COP1: variants seen among roughly 807,000 people sequenced by gnomAD.
COP1 encodes E3 ubiquitin-protein ligase COP1.
A neutral mutation model predicts 101.3 loss-of-function variants in COP1; 24 were observed. That is an observed-to-expected ratio of 0.24 (90% confidence interval 0.17 to 0.33). The LOEUF is 0.33. Among genes scored for constraint, COP1 ranks in the 10% least tolerant of loss-of-function variants. The pLI is 1.00. For missense variants in COP1, 663 were observed against 906.2 expected (o/e 0.73, Z 3.45); for synonymous variants, 347 against 341.9 (o/e 1.01, Z -0.17).
At chr1:175,950,111 C>T (rs1163041799) in intron 18 of COP1, among the ~76,000 whole-genome samples, 1 of 151,896 alleles carries the variant, frequency 6.6e-6, no homozygotes, top group African/African-American at 2.4e-5. Context: ...TTACTGTAAC[C>T]TCAGGATTAC....
intron 15 of COP1, among the ~76,000 whole-genome samples, chr1:176,015,498 T>TAA (rs1194414430): frequency 6.6e-6 from 1 of 152,114 alleles, no homozygotes; most frequent in African/African-American, 2.4e-5. Context: ...GGCAGGGATT[T>TAA]AAAAAGGGAA....
intron 15 of COP1, among the ~76,000 whole-genome samples, chr1:176,006,164 T>C (rs1663144886): frequency 6.6e-6 from 1 of 152,070 alleles, no homozygotes; most frequent in East Asian, 1.9e-4. Flanking sequence ...GAGACTAGGA[T>C]TGCAACCCCT....
chr1:176,014,807 T>G (rs1665331745), intron 15 of COP1, among the ~76,000 whole-genome samples: 1 of 152,196 alleles, frequency 6.6e-6, no homozygotes, highest in Non-Finnish European at 1.5e-5. Context: ...CTAATATATG[T>G]CTGTTAGTAC....
chr1:176,107,427 T>G (rs1299463071), intron 9 of COP1, among the ~76,000 whole-genome samples: 1 of 152,072 alleles, frequency 6.6e-6, no homozygotes, highest in South Asian at 2.1e-4. Context: ...AAAGTACTTA[T>G]AAAGAATGAT....
intron 11 of COP1, among the ~76,000 whole-genome samples, chr1:176,072,513 C>T (rs897532107): frequency 1.3e-5 from 2 of 152,172 alleles, no homozygotes; most frequent in African/African-American, 2.4e-5. Context: ...ATTTCTCAAC[C>T]AACCCCAGAT....
intron 15 of COP1, among the ~76,000 whole-genome samples, chr1:175,990,158 T>C (rs1403577356): frequency 6.6e-6 from 1 of 152,120 alleles, no homozygotes; most frequent in Non-Finnish European, 1.5e-5. Flanking sequence ...CCATTTTCAT[T>C]CAGTTTAAAA....
At chr1:176,162,529 TATG>T (rs1177887637) in intron 5 of COP1, among the ~76,000 whole-genome samples, 1 of 152,128 alleles carries the variant, frequency 6.6e-6, no homozygotes, top group African/African-American at 2.4e-5. Flanking sequence ...AAATCTCACA[TATG>T]AAGAGGGGAC....
intron 15 of COP1, among the ~76,000 whole-genome samples, chr1:176,000,700 A>G (rs908080468): frequency 6.6e-6 from 1 of 151,828 alleles, no homozygotes; most frequent in African/African-American, 2.4e-5. Context: ...CTCAACCTGT[A>G]TATGGTAGAA....
At chr1:175,988,145 T>C (rs1657562228) in intron 17 of COP1, 143 bp downstream of exon 17, 3 of 684,848 alleles carry the variant, frequency 4.4e-6, no homozygotes, top group South Asian at 5.8e-5. Context: ...GGAAAATCAG[T>C]AGTGCTGGGG....
At position 176,051,176 on chromosome 1, in the gene COP1, G is replaced by A. The variant is rs544521157; in HGVS notation, c.1278-4852C>T. On this transcript the variant is annotated intron_variant, in intron 11 of 19. Transcript: ENST00000367669. ...TTGATAGAGGAATTCAGGAGGCAAT[G>A]ATTATTGGGGCTCATTCGAAGAAAA... Among the ~76,000 whole-genome samples, 163 of 152,274 alleles carry A rather than the reference G, an allele frequency of 1.1e-3. 1 individual carries two copies. The highest frequency in any genetic ancestry group is 6.8e-3 in the Middle Eastern group (2 of 294).
At chr1:176,094,025 A>C (rs1232828979) in intron 9 of COP1, among the ~76,000 whole-genome samples, 1 of 62,160 alleles carries the variant, frequency 1.6e-5, no homozygotes, top group Non-Finnish European at 5.1e-5. Flanking sequence ...CTGTCTCAAA[A>C]AAAAAAGGAA....
chr1:176,019,679 A>G (rs188779657), intron 15 of COP1, among the ~76,000 whole-genome samples: 2 of 151,884 alleles, frequency 1.3e-5, no homozygotes, highest in Admixed American at 1.3e-4. Flanking sequence ...TGGGTAACAT[A>G]GTGAAAATAC....
At chr1:176,149,319 A>G (rs1692059260) in intron 5 of COP1, among the ~76,000 whole-genome samples, 1 of 152,094 alleles carries the variant, frequency 6.6e-6, no homozygotes. Flanking sequence ...TAACATGCTG[A>G]AAAATCTTTT....
Position 176,163,890 on chromosome 1 carries a change from C to T in COP1, c.567G>A (p.Val189=). Residue 189 remains valine (V), a splice_region_variant and synonymous_variant, in exon 4 of 20, where the codon GTG becomes GTA. Transcript: ENST00000367669. ...GCTTCTGTTTAAGAATGAGTTCATT[C>T]ACTGAAAACAGAAACAAAATAAAAA... ...NIDHLYPNFL[V]NELILKQKQR... is the part of the protein sequence containing the mutation. 1.3e-6 allele frequency: 2 copies of T among 1,586,284 alleles called. No individual in the cohort carries two copies. Among genetic ancestry groups the T allele is most frequent in the Non-Finnish European group, 1.7e-6 (2 of 1,164,486 alleles).
Position 176,206,792 on chromosome 1 carries a change from C to A in COP1, c.187G>T (p.Gly63Cys), listed in dbSNP as rs1011552758. 2.2e-6 allele frequency: 3 copies of A among 1,391,180 alleles called. No individual in the cohort carries two copies. Among genetic ancestry groups the A allele is most frequent in the Non-Finnish European group, 2.8e-6 (3 of 1,083,732 alleles). 86.2% of individuals were successfully genotyped at this position (1,391,180 alleles called of 1,614,324 possible). The change falls in exon 1 of 20, where the codon GGC becomes TGC. Residue 63 changes from glycine (G) to cysteine (C), a missense_variant. This residue lies in a region of COP1 where 204 missense variants were observed against 203.6 expected (regional missense o/e 1.00). Coordinates refer to ENST00000367669, the MANE Select transcript of COP1 (RefSeq NM_022457.7). ...GCCACCAACACAGGCCGCACCGGGC[C>A]CCCGAGGCCGCCCGAGCCGGCGGCC... ...AQAAGSGGLG[G>C]PVRPVLVAPA...
At position 176,027,577 on chromosome 1, in the gene COP1, C is replaced by G. The variant is rs1251043866; in HGVS notation, c.1724G>C (p.Cys575Ser). 6.2e-7 allele frequency: 1 copy of G among 1,602,294 alleles called. No homozygotes were observed. The highest frequency in any genetic ancestry group is 1.7e-5 in the Admixed American group (1 of 59,994). ...AATCTGCTTTCATTTCTTACCTGCA[C>G]AGCCGAAAGCCAAATGGTATCTGGA... Reference protein sequence around the residue: ...PSSRYHLAFGCADHCVHYYDL... With the variant: ...PSSRYHLAFGSADHCVHYYDL... The change falls in exon 15 of 20, where the codon TGT becomes TCT. Residue 575 changes from cysteine (C) to serine (S), a missense_variant. Cys to Ser is a moderately radical substitution (Grantham distance 112). Coordinates refer to ENST00000367669, the MANE Select transcript of COP1 (RefSeq NM_022457.7).
Position 176,110,497 on chromosome 1 carries a change from A to G in COP1, c.1026+6127T>C, listed in dbSNP as rs1685096652. 2.6e-5 allele frequency among the ~76,000 whole-genome samples: 4 copies of G among 152,172 alleles called. No homozygotes were observed. The South Asian group carries it at 8.3e-4, about 32-fold the overall frequency. ...CGTAGACATATCTCTGCTTCCTCAT[A>G]TCCTGGTCATTCAAAAGTCATCTAT... On this transcript the variant is annotated intron_variant, in intron 9 of 19. Coordinates refer to ENST00000367669, the MANE Select transcript of COP1 (RefSeq NM_022457.7).
At chr1:176,033,534 C>G (rs1668988497) in intron 14 of COP1, among the ~76,000 whole-genome samples, 1 of 151,984 alleles carries the variant, frequency 6.6e-6, no homozygotes, top group Non-Finnish European at 1.5e-5. Context: ...AAGAAAAATA[C>G]CTTTAAAGAA....
chr1:176,172,799 A>C (rs140747937), intron 3 of COP1, among the ~76,000 whole-genome samples: 1 of 152,234 alleles, frequency 6.6e-6, no homozygotes, highest in African/African-American at 2.4e-5. Context: ...ACATATCTCA[A>C]TGACATTACT....
Sources: allele counts gnomAD v4.1 joint callset (sites outside exome capture counted in the v4.1 genomes callset), GRCh38; gene constraint gnomAD v4.1.1; regional missense constraint gnomAD v4.1.1; transcripts MANE v1.5; gene names NCBI Gene and HGNC (gene_info 2026-07-23, HGNC 2026-07-21).